ASXL2: variants seen among roughly 807,000 people sequenced by gnomAD.
ASXL2 encodes ASXL transcriptional regulator 2.
Under a neutral mutation model 122.0 loss-of-function variants are expected in ASXL2, and 23 were observed. That is an observed-to-expected ratio of 0.19 (90% CI 0.14 to 0.27). The LOEUF (loss-of-function observed/expected upper bound fraction) is 0.27, where lower values mean the gene tolerates loss of function less well. Ranked by LOEUF, ASXL2 falls within the 10% of genes least tolerant of loss-of-function variation. ASXL2 has a pLI of 1.00. For missense variants in ASXL2, 1,518 were observed against 1,713.8 expected, an observed-to-expected ratio of 0.89 and a Z score of 2.02; for synonymous variants, 650 against 637.0, an observed-to-expected ratio of 1.02 and a Z score of -0.31.
intron 3 of ASXL2, among the ~76,000 whole-genome samples, chr2:25,808,021 A>ACACACACACACACACACACACT (rs766637532): frequency 1.3e-5 from 2 of 148,516 alleles, no homozygotes; most frequent in Non-Finnish European, 3.0e-5. Flanking sequence ...ACACACACAC[A>ACACACACACACACACACACACT]CTCTCCACCC....
intron 8 of ASXL2, among the ~76,000 whole-genome samples, chr2:25,762,031 CA>C (rs2088260358): frequency 6.6e-6 from 1 of 151,236 alleles, no homozygotes; most frequent in Non-Finnish European, 1.5e-5. Context: ...AGGTTAAAAA[CA>C]AAATACAAAA....
chr2:25,782,733 A>G (rs568269317), intron 5 of ASXL2, among the ~76,000 whole-genome samples: 1 of 152,364 alleles, frequency 6.6e-6, no homozygotes, highest in East Asian at 1.9e-4. Flanking sequence ...TATTGAGCAT[A>G]AAATTTATTC....
chr2:25,811,101 A>ACACACAC (rs1553701387), intron 3 of ASXL2, among the ~76,000 whole-genome samples: 2 of 67,350 alleles, frequency 3.0e-5, no homozygotes, highest in African/African-American at 4.4e-5. Flanking sequence ...CACACACACA[A>ACACACAC]AATCAGCCAT....
chr2:25,876,373 T>C (rs1183215931), intron 1 of ASXL2, among the ~76,000 whole-genome samples: 4 of 152,168 alleles, frequency 2.6e-5, no homozygotes, highest in Non-Finnish European at 5.9e-5. Context: ...GGGATCATAA[T>C]TCAAAAAACA....
intron 3 of ASXL2, among the ~76,000 whole-genome samples, chr2:25,834,607 T>C (rs1574439957): frequency 6.6e-6 from 1 of 152,126 alleles, no homozygotes. Context: ...CATGTCCAAG[T>C]AACATGAAAA....
intron 9 of ASXL2, among the ~76,000 whole-genome samples, chr2:25,758,321 G>A (rs1015360355): frequency 1.3e-5 from 2 of 152,190 alleles, no homozygotes; most frequent in Non-Finnish European, 2.9e-5. Context: ...CTACGAACAA[G>A]AGAGTATAAC....
chr2:25,805,168 G>A (rs1320715775), intron 4 of ASXL2, among the ~76,000 whole-genome samples: 1 of 152,154 alleles, frequency 6.6e-6, no homozygotes, highest in Non-Finnish European at 1.5e-5. Flanking sequence ...GGGCAACACT[G>A]GGCAAGAAAA....
intron 8 of ASXL2, among the ~76,000 whole-genome samples, chr2:25,766,938 T>C (rs371710760): frequency 1.1e-4 from 17 of 152,326 alleles, no homozygotes; most frequent in African/African-American, 4.1e-4. Context: ...TCTCCAATTC[T>C]TGAGCCTTCC....
intron 10 of ASXL2, 59 bp downstream of exon 10, chr2:25,755,959 G>T: frequency 7.4e-7 from 1 of 1,359,562 alleles, no homozygotes; most frequent in Non-Finnish European, 1.1e-6. Flanking sequence ...ACCTGATGAG[G>T]AAGAGAGGTG....
chr2:25,773,501 T>TA (rs1218772095), intron 5 of ASXL2, among the ~76,000 whole-genome samples: 1 of 151,548 alleles, frequency 6.6e-6, no homozygotes, highest in Non-Finnish European at 1.5e-5. Context: ...CCATCTCTAC[T>TA]AAAAATACAA....
chr2:25,780,071 G>A (rs2088608695), intron 5 of ASXL2, among the ~76,000 whole-genome samples: 1 of 152,126 alleles, frequency 6.6e-6, no homozygotes, highest in Non-Finnish European at 1.5e-5. Flanking sequence ...CACCATGTTG[G>A]CCATCCTGAT....
At chr2:25,783,279 T>G (rs1190978730) in intron 5 of ASXL2, among the ~76,000 whole-genome samples, 1 of 152,158 alleles carries the variant, frequency 6.6e-6, no homozygotes, top group Non-Finnish European at 1.5e-5. Context: ...GGGTTCAATT[T>G]TTGTGTACTG....
intron 12 of ASXL2, among the ~76,000 whole-genome samples, chr2:25,748,956 A>C (rs2087988317): frequency 6.6e-6 from 1 of 152,236 alleles, no homozygotes; most frequent in Admixed American, 6.5e-5. Flanking sequence ...GTGTCCCTCA[A>C]GTAACCAGTA....
At chr2:25,804,080 A>G (rs995373341) in intron 4 of ASXL2, among the ~76,000 whole-genome samples, 1 of 152,142 alleles carries the variant, frequency 6.6e-6, no homozygotes, top group African/African-American at 2.4e-5. Flanking sequence ...AAAAAGAAAT[A>G]CAGAAAGTTC....
intron 3 of ASXL2, among the ~76,000 whole-genome samples, chr2:25,812,191 G>A (rs2089178737): frequency 6.6e-6 from 1 of 151,508 alleles, no homozygotes; most frequent in African/African-American, 2.4e-5. Flanking sequence ...GGCCGCAGTG[G>A]CTCGCGTCTA....
chr2:25,842,703 T>TAG lies in ASXL2; in HGVS notation c.140+2777_140+2778insCT, dbSNP rs370955065. Among the ~76,000 whole-genome samples, 102 of 150,234 alleles carry TAG rather than the reference T, an allele frequency of 6.8e-4. No individual in the cohort carries two copies. The South Asian group carries it at 0.012, about 17-fold the overall frequency. The stretch of plus-strand genomic sequence containing the variant: ...TTCTTCAAGTGTGTGTATATATATA[T>TAG]ATAGATAGATAGATAGATAGATGTA... On this transcript the variant is annotated intron_variant, in intron 2 of 12. Coordinates refer to ENST00000435504, the MANE Select transcript of ASXL2 (RefSeq NM_018263.6).
At chr2:25,843,814 TAA>T (rs541446675) in intron 2 of ASXL2, among the ~76,000 whole-genome samples, 121 of 86,480 alleles carry the variant, frequency 1.4e-3, no homozygotes, top group African/African-American at 4.2e-3. Context: ...CTCCATCTCT[TAA>T]AAAAAAAAAA....
At chr2:25,803,988 T>C (rs868476785) in intron 4 of ASXL2, among the ~76,000 whole-genome samples, 2 of 152,286 alleles carry the variant, frequency 1.3e-5, no homozygotes, top group African/African-American at 2.4e-5. Flanking sequence ...ACTTTGGTTT[T>C]TTTTTCCCCC....
At chr2:25,750,554 G>C in intron 11 of ASXL2, 141 bp from the exon 12 acceptor site, 3 of 757,716 alleles carry the variant, frequency 4.0e-6, no homozygotes, top group Non-Finnish European at 6.2e-6. Flanking sequence ...TTCACTATTA[G>C]TAGTAGTGAA....
Sources: gnomAD v4.1 joint callset for allele counts (sites outside exome capture counted in the v4.1 genomes callset) on GRCh38, gnomAD v4.1.1 for gene constraint, MANE v1.5 for transcripts, NCBI Gene and HGNC (gene_info 2026-07-23, HGNC 2026-07-21) for gene names.